The following BMAL1 variants were observed in gnomAD, a reference collection of about 807,000 sequenced individuals.
The protein encoded by BMAL1 is basic helix-loop-helix ARNT like 1, also known as basic helix-loop-helix ARNT-like protein 1.
At chr11:13,292,148 G>A in the BMAL1 span, among the ~76,000 whole-genome samples, 1 of 152,044 alleles carries the variant, frequency 6.6e-6, no homozygotes, top group South Asian at 2.1e-4. Context: ...AGTTTTTTCT[G>A]TGACCTAAGC....
chr11:13,368,944 T>A, the BMAL1 span, among the ~76,000 whole-genome samples: 1 of 152,254 alleles, frequency 6.6e-6, no homozygotes, highest in African/African-American at 2.4e-5. Context: ...ATTCTTTTAT[T>A]TTTCTATACT....
the BMAL1 span, among the ~76,000 whole-genome samples, chr11:13,282,972 G>C: frequency 6.6e-6 from 1 of 152,168 alleles, no homozygotes; most frequent in Non-Finnish European, 1.5e-5. Flanking sequence ...AAGTGGACAT[G>C]GCCGTAAGTA....
the BMAL1 span, among the ~76,000 whole-genome samples, chr11:13,303,129 T>C: frequency 6.6e-6 from 1 of 152,312 alleles, no homozygotes; most frequent in South Asian, 2.1e-4. Flanking sequence ...ATAAAGAAAA[T>C]GAGCCTTCAA....
the BMAL1 span, among the ~76,000 whole-genome samples, chr11:13,296,149 C>T: frequency 2.6e-5 from 4 of 152,252 alleles, no homozygotes; most frequent in East Asian, 5.8e-4. Flanking sequence ...GAGGCTTGGC[C>T]GTTTGTCCTG....
At chr11:13,325,694 T>G in the BMAL1 span, among the ~76,000 whole-genome samples, 2 of 151,694 alleles carry the variant, frequency 1.3e-5, no homozygotes, top group South Asian at 2.1e-4. Context: ...TGTGTGTGTG[T>G]GGGCTTGAAT....
chr11:13,292,545 T>TTA, the BMAL1 span, among the ~76,000 whole-genome samples: 1 of 20,406 alleles, frequency 4.9e-5, no homozygotes, highest in Non-Finnish European at 2.4e-4. Flanking sequence ...AGACTCCATC[T>TTA]CAAAAAAAAA....
chr11:13,317,428 G>A, the BMAL1 span, among the ~76,000 whole-genome samples: 2 of 152,308 alleles, frequency 1.3e-5, no homozygotes, highest in South Asian at 4.2e-4. Flanking sequence ...TCCAGTGGAT[G>A]TATGACCCAC....
chr11:13,286,179 A>G, the BMAL1 span, among the ~76,000 whole-genome samples: 1 of 152,218 alleles, frequency 6.6e-6, no homozygotes, highest in Non-Finnish European at 1.5e-5. Flanking sequence ...GCAGTCGTCA[A>G]GCCTTCTGCT....
At chr11:13,371,067 C>T in the BMAL1 span, among the ~76,000 whole-genome samples, 1 of 152,218 alleles carries the variant, frequency 6.6e-6, no homozygotes, top group South Asian at 2.1e-4. Flanking sequence ...GTTATTTGTG[C>T]GATTATTTGT....
the BMAL1 span, among the ~76,000 whole-genome samples, chr11:13,284,244 A>ATGTG: frequency 9.4e-3 from 67 of 7,126 alleles, 6 homozygotes; most frequent in East Asian, 0.034. Context: ...GTATATATAT[A>ATGTG]TATATATATA....
At chr11:13,348,761 G>A in the BMAL1 span, among the ~76,000 whole-genome samples, 2 of 152,290 alleles carry the variant, frequency 1.3e-5, no homozygotes, top group Non-Finnish European at 2.9e-5. Context: ...TAACAGAATC[G>A]GACAGTGAGC....
At chr11:13,291,483 C>G in the BMAL1 span, among the ~76,000 whole-genome samples, 1 of 152,106 alleles carries the variant, frequency 6.6e-6, no homozygotes, top group Non-Finnish European at 1.5e-5. Flanking sequence ...TGGGAGGATG[C>G]CTCCTAGTCT....
chr11:13,368,018 C>G, the BMAL1 span, among the ~76,000 whole-genome samples: 1 of 152,246 alleles, frequency 6.6e-6, no homozygotes, highest in African/African-American at 2.4e-5. Flanking sequence ...TTCAAGTCAT[C>G]TCTTTCATTA....
the BMAL1 span, among the ~76,000 whole-genome samples, chr11:13,299,817 T>G: frequency 6.6e-6 from 1 of 152,154 alleles, no homozygotes; most frequent in East Asian, 1.9e-4. Context: ...TTTCTTTACC[T>G]GCCAGGTTAG....
chr11:13,376,634 TCA>T, the BMAL1 span: 1 of 1,614,000 alleles, frequency 6.2e-7, no homozygotes, highest in Non-Finnish European at 8.5e-7. Context: ...GCTGGGATGT[TCA>T]CAGAGCCAAC....
At chr11:13,348,066 C>T in the BMAL1 span, among the ~76,000 whole-genome samples, 1 of 152,106 alleles carries the variant, frequency 6.6e-6, no homozygotes, top group African/African-American at 2.4e-5. Flanking sequence ...CGTGAAGGAG[C>T]CTGGGCAGGA....
chr11:13,283,239 A>G, the BMAL1 span, among the ~76,000 whole-genome samples: 1 of 152,360 alleles, frequency 6.6e-6, no homozygotes, highest in East Asian at 1.9e-4. Context: ...TTTTGTGCAT[A>G]TACTGAATGA....
chr11:13,287,943 G>A, the BMAL1 span, among the ~76,000 whole-genome samples: 1 of 152,230 alleles, frequency 6.6e-6, no homozygotes, highest in African/African-American at 2.4e-5. Flanking sequence ...TTGTGACCAA[G>A]GAGCCTGCAG....
chr11:13,311,314 T>G, the BMAL1 span, among the ~76,000 whole-genome samples: 1 of 152,042 alleles, frequency 6.6e-6, no homozygotes, highest in South Asian at 2.1e-4. Context: ...CTGTGGGGAA[T>G]ATGCGTAACT....
Sources: allele counts gnomAD v4.1 joint callset (sites outside exome capture counted in the v4.1 genomes callset), GRCh38; gene constraint gnomAD v4.1.1; transcripts MANE v1.5; gene names NCBI Gene and HGNC (gene_info 2026-07-23, HGNC 2026-07-21).